The following OTC variants were observed in gnomAD, a reference collection of about 807,000 sequenced individuals.
OTC encodes ornithine transcarbamylase, mitochondrial.
In OTC, 3 loss-of-function variants were observed where a neutral mutation model predicts 30.3. That is an observed-to-expected ratio of 0.10 (90% confidence interval 0.05 to 0.26). The LOEUF (loss-of-function observed/expected upper bound fraction) is 0.26. OTC is among the 10% of genes least tolerant of loss of function. OTC has a pLI of 1.00. For missense variants in OTC, 194 were observed against 260.3 expected (o/e 0.75, Z 1.75); for synonymous variants, 111 against 99.7 (o/e 1.11, Z -0.67).
At chrX:38,332,523 T>TATATATATATATATAC in the OTC span, among the ~76,000 whole-genome samples, 5 of 86,405 alleles carry the variant, frequency 5.8e-5, no homozygotes, top group African/African-American at 2.2e-4. Flanking sequence ...TATATATATA[T>TATATATATATATATAC]ATATATATAT....
intron 4 of OTC, among the ~76,000 whole-genome samples, chrX:38,390,176 A>T (rs766410244): frequency 8.9e-6 from 1 of 112,596 alleles, no homozygotes; most frequent in South Asian, 3.7e-4. Flanking sequence ...TGGCAATTTT[A>T]TTCAACATCT....
intron 1 of OTC, among the ~76,000 whole-genome samples, chrX:38,358,744 C>T (rs1202160199): frequency 9.3e-6 from 1 of 108,088 alleles, no homozygotes; most frequent in Non-Finnish European, 1.9e-5. Context: ...GCCTCAGCCT[C>T]CCGAGTAGCT....
intron 9 of OTC, among the ~76,000 whole-genome samples, chrX:38,414,085 T>C (rs2068557882): frequency 9.0e-6 from 1 of 111,476 alleles, no homozygotes. Context: ...ACCACATACC[T>C]CAGGAAGAGA....
intron 4 of OTC, among the ~76,000 whole-genome samples, chrX:38,394,878 A>G (rs988658261): frequency 1.0e-5 from 1 of 99,714 alleles, no homozygotes; most frequent in African/African-American, 4.0e-5. Context: ...TCTTTTGAAA[A>G]AGGAAAGTAG....
intron 4 of OTC, among the ~76,000 whole-genome samples, chrX:38,388,420 G>A (rs1306198829): frequency 9.0e-6 from 1 of 111,286 alleles, no homozygotes; most frequent in African/African-American, 3.3e-5. Context: ...TGCTCTACTG[G>A]GGTTATGAAC....
chrX:38,349,430 C>T (rs1319241531), upstream of OTC, among the ~76,000 whole-genome samples: 1 of 112,546 alleles, frequency 8.9e-6, no homozygotes, highest in Non-Finnish European at 1.9e-5. Flanking sequence ...AACATGAAGG[C>T]TCTGTCCTCA....
intron 4 of OTC, among the ~76,000 whole-genome samples, chrX:38,389,402 T>A (rs866316952): frequency 4.8e-5 from 5 of 103,865 alleles, no homozygotes; most frequent in Non-Finnish European, 3.9e-5. Context: ...GGAATATTTA[T>A]AAAAAAAAAA....
At chrX:38,335,554 C>T in the OTC span, among the ~76,000 whole-genome samples, 1 of 112,429 alleles carries the variant, frequency 8.9e-6, no homozygotes, top group South Asian at 3.6e-4. Flanking sequence ...AGCTGTGTCT[C>T]TGACAGAAAA....
chrX:38,402,273 T>C (rs746054392), intron 5 of OTC, among the ~76,000 whole-genome samples: 1 of 80,061 alleles, frequency 1.2e-5, no homozygotes, highest in East Asian at 5.1e-4. Context: ...CACCAGATAA[T>C]TTAATGCTTC....
chrX:38,357,784 G>C (rs1338972132), intron 1 of OTC, among the ~76,000 whole-genome samples: 2 of 112,354 alleles, frequency 1.8e-5, no homozygotes, highest in Non-Finnish European at 3.8e-5. Context: ...CCTTGGCTTA[G>C]CTTCTTAGCA....
the OTC span, among the ~76,000 whole-genome samples, chrX:38,332,744 A>G: frequency 9.2e-6 from 1 of 108,675 alleles, no homozygotes; most frequent in African/African-American, 3.3e-5. Context: ...AACACAAAGA[A>G]GTTTCTTTCT....
the OTC span, among the ~76,000 whole-genome samples, chrX:38,331,437 T>TG: frequency 1.4e-5 from 1 of 70,895 alleles, no homozygotes; most frequent in Non-Finnish European, 2.7e-5. Flanking sequence ...TTTTGTTTTT[T>TG]TTTTGTTTTT....
At chrX:38,332,504 T>TTATATATACATATATATATA in the OTC span, among the ~76,000 whole-genome samples, 1 of 39,381 alleles carries the variant, frequency 2.5e-5, no homozygotes, top group East Asian at 8.6e-4. Context: ...GCCCTAGATT[T>TTATATATACATATATATATA]TATATATATA....
chrX:38,335,993 G>GA, the OTC span, among the ~76,000 whole-genome samples: 1 of 110,817 alleles, frequency 9.0e-6, no homozygotes, highest in Non-Finnish European at 1.9e-5. Context: ...AACCAGAAAA[G>GA]AAATGTCCTT....
At chrX:38,329,024 A>G in the OTC span, among the ~76,000 whole-genome samples, 30 of 112,644 alleles carry the variant, frequency 2.7e-4, no homozygotes, top group South Asian at 3.6e-4. Context: ...TCATTTTTAG[A>G]GTATCATAAT....
In OTC at chrX:38,410,086, G is replaced by T. The variant is rs181507702; in HGVS notation, c.867+1061G>T. On this transcript the variant is annotated intron_variant, in intron 8 of 9. Transcript: ENST00000039007. ...TACTTTTTCCACTTAACAAATCTTAGATTTTCTTGCTCACTCATTTAGATA... is the reference window on the plus strand; with the variant it reads ...TACTTTTTCCACTTAACAAATCTTATATTTTCTTGCTCACTCATTTAGATA... Among the ~76,000 whole-genome samples the T allele has an allele frequency of 4.8e-3, 538 of 111,268 alleles. 5 individuals are homozygous for T. Among genetic ancestry groups the T allele is most frequent in the African/African-American group, 0.017 (514 of 30,653 alleles).
chrX:38,386,628 G>A (rs180961663), intron 4 of OTC, among the ~76,000 whole-genome samples: 73 of 111,239 alleles, frequency 6.6e-4, no homozygotes, highest in Non-Finnish European at 1.2e-3. Flanking sequence ...TGCATATGCC[G>A]GGATTTCCTT....
At chrX:38,415,057 A>G (rs759886340) in intron 9 of OTC, among the ~76,000 whole-genome samples, 6 of 110,740 alleles carry the variant, frequency 5.4e-5, no homozygotes, top group African/African-American at 2.0e-4. Flanking sequence ...CTATAGGCAA[A>G]TAAATTATTA....
chrX:38,336,999 T>G, the OTC span, among the ~76,000 whole-genome samples: 1 of 112,000 alleles, frequency 8.9e-6, no homozygotes, highest in African/African-American at 3.2e-5. Flanking sequence ...CTTTTCTCCC[T>G]CATTTCCTTC....
Sources: allele counts gnomAD v4.1 joint callset (sites outside exome capture counted in the v4.1 genomes callset), GRCh38; gene constraint gnomAD v4.1.1; transcripts MANE v1.5; gene names NCBI Gene and HGNC (gene_info 2026-07-23, HGNC 2026-07-21).